GTPBP10: variants seen among roughly 807,000 people sequenced by gnomAD.
GTPBP10 encodes the protein GTP binding protein 10.
GTPBP10 carries 38 observed loss-of-function variants against 44.8 expected under a neutral mutation model. The observed-to-expected ratio is 0.85, with a 90% CI of 0.65 to 1.11. The LOEUF (loss-of-function observed/expected upper bound fraction) is 1.11. Among genes scored for constraint, GTPBP10 ranks in the 50% most tolerant of loss-of-function variants. The probability of loss-of-function intolerance (pLI) is 0.00; values close to 1 mark genes in which losing one functional copy is unlikely to be tolerated. For missense variants in GTPBP10, 462 were observed against 453.7 expected (o/e 1.02, Z -0.17); for synonymous variants, 152 against 150.6 (o/e 1.01, Z -0.07).
At chr7:90,365,368 CTT>C (rs59645149) in intron 4 of GTPBP10, among the ~76,000 whole-genome samples, 517 of 90,290 alleles carry the variant, frequency 5.7e-3, no homozygotes, top group African/African-American at 0.023. Context: ...TTGGGGTTTT[CTT>C]TTTTTTTTTT....
rs750565037 is a variant in GTPBP10 at position 90,352,928 on chromosome 7, C to A, written c.146C>A (p.Ala49Asp). Residue 49 changes from alanine (A) to aspartate (D), a missense_variant, in exon 2 of 10, where the codon GCC (alanine) becomes GAC (aspartate). Transcript: ENST00000222511. ...GGKGGDVWVV[A>D]QNRMTLKQLK... is the part of the protein sequence containing the mutation. ...AAAGGTGGTGATGTCTGGGTTGTAG[C>A]CCAGAACAGAATGACTTTAAAACAA... 6.2e-7 allele frequency: 1 copy of A among 1,613,650 alleles called. No individual in the cohort carries two copies. Among genetic ancestry groups the A allele is most frequent in the Non-Finnish European group, 8.5e-7 (1 of 1,179,816 alleles).
intron 8 of GTPBP10, among the ~76,000 whole-genome samples, chr7:90,381,083 T>A (rs569544727): frequency 5.9e-5 from 9 of 152,346 alleles, no homozygotes; most frequent in African/African-American, 2.2e-4. Context: ...GAATAATGTT[T>A]CAGTAAAAAT....
At position 90,382,980 on chromosome 7, in the gene GTPBP10, C is replaced by A; in HGVS notation, c.802C>A (p.Leu268Ile). The change falls in exon 9 of 10, where the codon CTT (leucine) becomes ATT (isoleucine). Residue 268 changes from leucine (L) to isoleucine (I), a missense_variant. Coordinates refer to ENST00000222511, the MANE Select transcript of GTPBP10 (RefSeq NM_033107.4). Reference sequence around the variant, plus strand: ...GGAGTTGGAATTGTACAAAGAGGAACTTCAGACAAAACCTGCACTCTTGGC... The same window carrying A: ...GGAGTTGGAATTGTACAAAGAGGAAATTCAGACAAAACCTGCACTCTTGGC... ...TKELELYKEE[L>I]QTKPALLAVN... The A allele has an allele frequency of 6.3e-7, 1 of 1,581,238 alleles. No homozygotes were observed. The highest frequency in any genetic ancestry group is 8.6e-7 in the Non-Finnish European group (1 of 1,159,306).
At chr7:90,360,128 A>G (rs949887094) in intron 4 of GTPBP10, among the ~76,000 whole-genome samples, 19 of 151,906 alleles carry the variant, frequency 1.3e-4, no homozygotes, top group African/African-American at 4.6e-4. Flanking sequence ...TGCTGTGCAG[A>G]AGCTCTTTAG....
At chr7:90,365,553 T>G (rs557777887) in intron 4 of GTPBP10, among the ~76,000 whole-genome samples, 42 of 151,532 alleles carry the variant, frequency 2.8e-4, no homozygotes, top group African/African-American at 8.7e-4. Flanking sequence ...TTTTTTTGTA[T>G]TTTTAGTAGA....
At position 90,388,689 on chromosome 7, in the gene GTPBP10, A is replaced by G. The variant is rs1365076108; in HGVS notation, c.*3535A>G. 1 of 152,168 alleles carries G rather than the reference A, an allele frequency of 6.6e-6. No homozygotes were observed. The highest frequency in any genetic ancestry group is 2.4e-5 in the African/African-American group (1 of 41,454). The allele number at this position is 152,168 out of a possible 1,614,324, so 9.4% of individuals were successfully genotyped here. Reference sequence around the variant, plus strand: ...GTCAAGGATATTTCAGGTTTTATCCAATTAGATTTCTTGTAAAGTTATGTG... The same window carrying G: ...GTCAAGGATATTTCAGGTTTTATCCGATTAGATTTCTTGTAAAGTTATGTG... On this transcript the variant is annotated 3_prime_UTR_variant, in exon 10 of 10. Transcript: ENST00000222511.
At chr7:90,360,151 C>G (rs1324600306) in intron 4 of GTPBP10, among the ~76,000 whole-genome samples, 1 of 151,926 alleles carries the variant, frequency 6.6e-6, no homozygotes, top group Non-Finnish European at 1.5e-5. Flanking sequence ...TAATTAGATC[C>G]CATTTGTCAA....
chr7:90,350,391 G>A (rs1240773618), intron 1 of GTPBP10, among the ~76,000 whole-genome samples: 3 of 152,220 alleles, frequency 2.0e-5, no homozygotes, highest in Non-Finnish European at 2.9e-5. Flanking sequence ...ATAGTGGCAT[G>A]ATTTTTAATC....
intron 2 of GTPBP10, among the ~76,000 whole-genome samples, chr7:90,354,160 A>G (rs1225168423): frequency 6.6e-6 from 1 of 152,112 alleles, no homozygotes; most frequent in African/African-American, 2.4e-5. Flanking sequence ...TATTGTAGCA[A>G]TAATCTCTTC....
chr7:90,377,356 T>C, intron 6 of GTPBP10, 151 bp from the exon 7 acceptor site: 1 of 496,246 alleles, frequency 2.0e-6, no homozygotes, highest in South Asian at 4.3e-5. Context: ...GTACATTAAT[T>C]TTACTCTTAT....
At position 90,387,343 on chromosome 7, in the gene GTPBP10, C is replaced by CAAAA. The variant is rs4015363; in HGVS notation, c.*2190_*2193dup. 0.98 allele frequency: 149,611 copies of CAAAA among 152,198 alleles called. 73,575 individuals carry two copies. Among genetic ancestry groups the CAAAA allele is most frequent in the South Asian group, 1 (4,816 of 4,822 alleles). 9.4% of individuals were successfully genotyped at this position (152,198 alleles called of 1,614,324 possible). On this transcript the variant is annotated 3_prime_UTR_variant, in exon 10 of 10. Transcript: ENST00000222511. Reference sequence around the variant, plus strand: ...AAGAGGGAGACTTCCTCTCAAAAAACAAAATATTGTACTTCAAAAAATTAT... The same window carrying CAAAA: ...AAGAGGGAGACTTCCTCTCAAAAAACAAAAAAAATATTGTACTTCAAAAAATTAT...
chr7:90,352,096 G>T (rs893057248), intron 1 of GTPBP10, among the ~76,000 whole-genome samples: 1 of 152,200 alleles, frequency 6.6e-6, no homozygotes, highest in Admixed American at 6.5e-5. Context: ...GTTGGAGAAT[G>T]CAATAAGGAA....
chr7:90,381,728 A>G (rs189317134), intron 8 of GTPBP10, among the ~76,000 whole-genome samples: 5 of 152,316 alleles, frequency 3.3e-5, no homozygotes, highest in East Asian at 3.9e-4. Context: ...ACATAAACCA[A>G]TGGAACAGAA....
intron 6 of GTPBP10, among the ~76,000 whole-genome samples, chr7:90,376,791 G>T (rs1235076140): frequency 6.6e-6 from 1 of 152,172 alleles, no homozygotes; most frequent in Non-Finnish European, 1.5e-5. Flanking sequence ...ATTACAAATT[G>T]AATTTAAAAT....
intron 1 of GTPBP10, among the ~76,000 whole-genome samples, chr7:90,350,959 G>T (rs556967705): frequency 2.6e-5 from 4 of 152,158 alleles, no homozygotes; most frequent in African/African-American, 9.7e-5. Flanking sequence ...ACAGTGTAGC[G>T]CTGAACATGA....
chr7:90,359,338 A>G (rs1795968361), intron 4 of GTPBP10, among the ~76,000 whole-genome samples: 2 of 149,510 alleles, frequency 1.3e-5, no homozygotes, highest in African/African-American at 2.5e-5. Flanking sequence ...GTTCCCCACC[A>G]TGTGTCCATG....
rs1459259737 is a variant in GTPBP10 at position 90,389,145 on chromosome 7, C to T, written c.*3991C>T. On this transcript the variant is annotated 3_prime_UTR_variant, in exon 10 of 10. Coordinates refer to ENST00000222511, the MANE Select transcript of GTPBP10 (RefSeq NM_033107.4). Reference sequence around the variant, plus strand: ...TCTCAAATCTGGTTTAAATCTGTCTCTCCTTAACGGAATAGAAAGTGAAAC... The same window carrying T: ...TCTCAAATCTGGTTTAAATCTGTCTTTCCTTAACGGAATAGAAAGTGAAAC... 1 of 152,192 alleles carries T rather than the reference C, an allele frequency of 6.6e-6. No individual in the cohort carries two copies. Among genetic ancestry groups the T allele is most frequent in the Non-Finnish European group, 1.5e-5 (1 of 68,042 alleles). 9.4% of individuals were successfully genotyped at this position (152,192 alleles called of 1,614,324 possible).
chr7:90,379,487 C>T (rs780684759), intron 8 of GTPBP10, among the ~76,000 whole-genome samples: 1 of 152,198 alleles, frequency 6.6e-6, no homozygotes, highest in Non-Finnish European at 1.5e-5. Context: ...CAGTCCTCCT[C>T]TGTAACCCTC....
At chr7:90,361,329 G>T (rs937617915) in intron 4 of GTPBP10, among the ~76,000 whole-genome samples, 9 of 152,250 alleles carry the variant, frequency 5.9e-5, no homozygotes, top group Admixed American at 2.0e-4. Context: ...AATTTATTGA[G>T]TTTTTAGCAT....
Sources: allele counts gnomAD v4.1 joint callset (sites outside exome capture counted in the v4.1 genomes callset), GRCh38; gene constraint gnomAD v4.1.1; transcripts MANE v1.5; gene names NCBI Gene and HGNC (gene_info 2026-07-23, HGNC 2026-07-21).